ULK4: variants seen among roughly 807,000 people sequenced by gnomAD.
The protein encoded by ULK4 is unc-51 like kinase 4, also known as inactive serine/threonine-protein kinase ULK4.
In ULK4, 133 loss-of-function variants were observed where a neutral mutation model predicts 160.6. That is an observed-to-expected ratio of 0.83 (90% confidence interval 0.72 to 0.96). The LOEUF (loss-of-function observed/expected upper bound fraction) is 0.96, where lower values mean the gene tolerates loss of function less well. ULK4 is among the 40% of genes least tolerant of loss of function. ULK4 has a pLI of 0.00. For synonymous variants in ULK4, 534 were observed against 539.8 expected (o/e 0.99, Z 0.15); for missense variants, 1,580 against 1,499.5 (o/e 1.05, Z -0.89).
chr3:41,732,410 G>A (rs547848807), intron 22 of ULK4, among the ~76,000 whole-genome samples: 7 of 152,118 alleles, frequency 4.6e-5, no homozygotes, highest in African/African-American at 1.7e-4. Flanking sequence ...AAACCACAAT[G>A]AGGTATCACC....
At chr3:41,811,783 A>T (rs1330882129) in intron 19 of ULK4, among the ~76,000 whole-genome samples, 1 of 152,158 alleles carries the variant, frequency 6.6e-6, no homozygotes, top group Non-Finnish European at 1.5e-5. Context: ...TCAAGAGGAT[A>T]TTGTATGCAG....
At chr3:41,557,595 G>A (rs577452781) in intron 32 of ULK4, among the ~76,000 whole-genome samples, 1 of 131,358 alleles carries the variant, frequency 7.6e-6, no homozygotes. Flanking sequence ...GCAAGACCCT[G>A]TCTCCACCAA....
chr3:41,407,340 C>T (rs1175963168), intron 34 of ULK4, among the ~76,000 whole-genome samples: 2 of 152,128 alleles, frequency 1.3e-5, no homozygotes, highest in Admixed American at 6.5e-5. Context: ...AAAGGGAACA[C>T]TTCTGAACTC....
At chr3:41,821,753 C>T (rs1008598539) in intron 18 of ULK4, among the ~76,000 whole-genome samples, 4 of 152,156 alleles carry the variant, frequency 2.6e-5, no homozygotes, top group African/African-American at 9.7e-5. Context: ...TCACTTTACA[C>T]TGACTTTCTC....
rs140463635 is a variant in ULK4, at chr3:41,452,586, C to G, written c.3492+2911G>C. Among the ~76,000 whole-genome samples the G allele has an allele frequency of 3.9e-5, 6 of 152,246 alleles. No homozygotes were observed. The South Asian group carries it at 1.2e-3, about 32-fold the overall frequency. ...CATTTCTATTTCCTAATTAACTCTG[C>G]TAAGTAATTAGATATAACTACATAA... On this transcript the variant is annotated intron_variant, in intron 34 of 36. Coordinates refer to ENST00000301831, the MANE Select transcript of ULK4 (RefSeq NM_017886.4).
chr3:41,582,710 CAATAAACCA>C (rs1476738229), intron 31 of ULK4, among the ~76,000 whole-genome samples: 1 of 152,234 alleles, frequency 6.6e-6, no homozygotes, highest in African/African-American at 2.4e-5. Context: ...TCCCTAGTTA[CAATAAACCA>C]GGGGAAATAT....
intron 13 of ULK4, among the ~76,000 whole-genome samples, chr3:41,900,270 A>AG (rs1698305811): frequency 6.6e-6 from 1 of 151,048 alleles, no homozygotes; most frequent in South Asian, 2.1e-4. Flanking sequence ...GTGAGAGGGT[A>AG]GGGCTTCTGT....
intron 35 of ULK4, among the ~76,000 whole-genome samples, chr3:41,307,833 C>T (rs1048709998): frequency 3.3e-5 from 5 of 152,066 alleles, no homozygotes; most frequent in African/African-American, 1.2e-4. Context: ...CCGTTTCATA[C>T]ATACATACAT....
chr3:41,721,255 A>T lies in ULK4; in HGVS notation c.2322-3394T>A, dbSNP rs1418250282. Among the ~76,000 whole-genome samples the T allele has an allele frequency of 1.9e-3, 86 of 45,008 alleles. 3 individuals are homozygous for T. The highest frequency in any genetic ancestry group is 0.018 in the East Asian group (17 of 968). The allele number at this position is 45,008 out of a possible 152,430, so 29.5% of individuals were successfully genotyped here. ...GCAGATGAGAAATTTTTCGCTTTGA[A>T]TTTTTTTTTTTTTTTTTTTTTTTTT... On this transcript the variant is annotated intron_variant, in intron 22 of 36. Coordinates refer to ENST00000301831, the MANE Select transcript of ULK4 (RefSeq NM_017886.4).
At chr3:41,661,979 G>A (rs1329759744) in intron 30 of ULK4, among the ~76,000 whole-genome samples, 1 of 152,056 alleles carries the variant, frequency 6.6e-6, no homozygotes, top group African/African-American at 2.4e-5. Flanking sequence ...CGTGACATGT[G>A]GAATGAGCCA....
chr3:41,610,711 G>C (rs1023054262), intron 31 of ULK4, among the ~76,000 whole-genome samples: 2 of 152,164 alleles, frequency 1.3e-5, no homozygotes. Context: ...TGTCAAACTA[G>C]TGTATTGCTA....
At chr3:41,268,813 C>CAAAAA (rs1176923529) in intron 35 of ULK4, among the ~76,000 whole-genome samples, 3 of 29,064 alleles carry the variant, frequency 1.0e-4, no homozygotes, top group African/African-American at 2.7e-4. Flanking sequence ...CACACACACA[C>CAAAAA]AAAAAAAAAA....
At chr3:41,729,424 G>T (rs2037755047) in intron 22 of ULK4, among the ~76,000 whole-genome samples, 1 of 152,148 alleles carries the variant, frequency 6.6e-6, no homozygotes, top group Admixed American at 6.5e-5. Context: ...TTTTCCCCCT[G>T]ACCCAAGCTG....
At chr3:41,569,320 T>A (rs1461966123) in intron 31 of ULK4, among the ~76,000 whole-genome samples, 3 of 152,126 alleles carry the variant, frequency 2.0e-5, no homozygotes, top group Non-Finnish European at 4.4e-5. Context: ...AATGTTGCCT[T>A]GGTCTTTCAG....
chr3:41,403,681 T>A (rs2082230945), intron 34 of ULK4, among the ~76,000 whole-genome samples: 1 of 152,182 alleles, frequency 6.6e-6, no homozygotes, highest in South Asian at 2.1e-4. Context: ...AGAACTTAGA[T>A]TATTGATTTA....
chr3:41,885,388 C>CT (rs1697683259), intron 16 of ULK4, among the ~76,000 whole-genome samples: 1 of 151,868 alleles, frequency 6.6e-6, no homozygotes, highest in African/African-American at 2.4e-5. Flanking sequence ...CACTTTTTAC[C>CT]AAAATCCTAA....
At chr3:41,524,799 G>A (rs1259430855) in intron 32 of ULK4, among the ~76,000 whole-genome samples, 1 of 152,084 alleles carries the variant, frequency 6.6e-6, no homozygotes. Context: ...TTAGCCGGGT[G>A]TGGTGACACG....
chr3:41,502,124 T>G (rs189248299), intron 32 of ULK4, among the ~76,000 whole-genome samples: 15 of 152,338 alleles, frequency 9.8e-5, no homozygotes, highest in Admixed American at 9.8e-4. Flanking sequence ...TGATTCTATA[T>G]CCTAGCTACT....
chr3:41,303,945 G>A lies in ULK4; in HGVS notation c.3679-54371C>T, dbSNP rs911554443. On this transcript the variant is annotated intron_variant, in intron 35 of 36. Transcript: ENST00000301831. Reference sequence around the variant, plus strand: ...GAGGGGGCCGGATACATGCCAAGTAGGTGCCATCACTATTGTATTTGGATG... The same window carrying A: ...GAGGGGGCCGGATACATGCCAAGTAAGTGCCATCACTATTGTATTTGGATG... Among the ~76,000 whole-genome samples, 7 of 152,092 alleles carry A rather than the reference G, an allele frequency of 4.6e-5. No homozygotes were observed. In the South Asian group the frequency reaches 1.5e-3, roughly 32 times the overall value.
Sources: allele counts gnomAD v4.1 joint callset (sites outside exome capture counted in the v4.1 genomes callset), GRCh38; gene constraint gnomAD v4.1.1; transcripts MANE v1.5; gene names NCBI Gene and HGNC (gene_info 2026-07-23, HGNC 2026-07-21).